The following TTF1 variants were observed in gnomAD, a reference collection of about 807,000 sequenced individuals.
TTF1 encodes transcription termination factor 1.
A neutral mutation model predicts 80.2 loss-of-function variants in TTF1; 64 were observed. The observed-to-expected ratio is 0.80, with a 90% CI of 0.65 to 0.98. TTF1 has a LOEUF of 0.98. TTF1 is among the 50% of genes least tolerant of loss of function. TTF1 has a pLI of 0.00. For synonymous variants in TTF1, 372 were observed against 382.7 expected (o/e 0.97, Z 0.33); for missense variants, 1,023 against 1,086.2 (o/e 0.94, Z 0.82).
chr9:132,395,145 T>C (rs149890034), intron 5 of TTF1, among the ~76,000 whole-genome samples: 70 of 152,118 alleles, frequency 4.6e-4, no homozygotes, highest in African/African-American at 1.6e-3. Context: ...TGAGCCAAGA[T>C]TGCGCCATTG....
Position 132,402,272 on chromosome 9 carries a change from T to C in TTF1, c.550A>G (p.Arg184Gly). 1 of 1,614,118 alleles carries C rather than the reference T, an allele frequency of 6.2e-7. No homozygotes were observed. The highest frequency in any genetic ancestry group is 8.5e-7 in the Non-Finnish European group (1 of 1,179,980). Reference sequence around the variant, plus strand: ...GATTCTGACTGAGGCAGGGTGTCCCTTGCCCGCTGGCTCTCCCAGGATGCA... The same window carrying C: ...GATTCTGACTGAGGCAGGGTGTCCCCTGCCCGCTGGCTCTCCCAGGATGCA... Reference protein sequence around the residue: ...KAASWESQRARDTLPQSESHQ... With the variant: ...KAASWESQRAGDTLPQSESHQ... The change falls in exon 2 of 11, where the codon AGG becomes GGG. Residue 184 changes from arginine (R) to glycine (G), a missense_variant. Transcript: ENST00000334270.
At chr9:132,379,601 C>T (rs1275103640) in intron 9 of TTF1, among the ~76,000 whole-genome samples, 1 of 152,168 alleles carries the variant, frequency 6.6e-6, no homozygotes, top group Non-Finnish European at 1.5e-5. Flanking sequence ...AGAAGTTGCC[C>T]AAGCTCACAT....
chr9:132,390,841 T>A lies in TTF1; in HGVS notation c.1988-10A>T. ...GCACCACGATTTCTTTCTGTAGATATAAAAAGATGGTCTTATAGTAGCTAG... is the reference window on the plus strand; with the variant it reads ...GCACCACGATTTCTTTCTGTAGATAAAAAAAGATGGTCTTATAGTAGCTAG... On this transcript the variant is annotated splice_polypyrimidine_tract_variant and intron_variant, in intron 6 of 10. Transcript: ENST00000334270. 6.2e-7 allele frequency: 1 copy of A among 1,611,086 alleles called. No individual in the cohort carries two copies. The highest frequency in any genetic ancestry group is 1.3e-5 in the African/African-American group (1 of 74,802).
chr9:132,376,268 T>G (rs936333482), intron 10 of TTF1, 100 bp from the exon 11 acceptor site: 2 of 1,269,566 alleles, frequency 1.6e-6, no homozygotes, highest in Non-Finnish European at 2.1e-6. Flanking sequence ...GAACTGCTCT[T>G]GTTATTGCTG....
chr9:132,404,244 A>G (rs527607174), intron 1 of TTF1, among the ~76,000 whole-genome samples: 4 of 152,190 alleles, frequency 2.6e-5, no homozygotes, highest in Non-Finnish European at 5.9e-5. Context: ...CTCTCTCTAT[A>G]TCAGCGGTCT....
rs1222559256 is a variant in TTF1 at position 132,378,198 on chromosome 9, T to TGTG, written c.2464+858_2464+860dup. ...TGTGAATGCATGTGGTGTGAGTGCA[T>TGTG]GTGCGTGTGAATGCATGTGGTGTGT... On this transcript the variant is annotated intron_variant, in intron 10 of 10. Transcript: ENST00000334270. 2.5e-5 allele frequency among the ~76,000 whole-genome samples: 3 copies of TGTG among 118,930 alleles called. No individual in the cohort carries two copies. In the Admixed American group the frequency reaches 2.7e-4, roughly 11 times the overall value. 78.0% of individuals were successfully genotyped at this position (118,930 alleles called of 152,430 possible). A position where few individuals can be genotyped will look rare whatever the true frequency, so the allele number is the denominator to read the frequency against.
intron 5 of TTF1, among the ~76,000 whole-genome samples, chr9:132,395,416 GT>G (rs747646827): frequency 7.2e-5 from 11 of 152,062 alleles, no homozygotes; most frequent in Non-Finnish European, 1.2e-4. Context: ...TCATTCCTGT[GT>G]GTGTGTCACA....
chr9:132,401,890 C>A lies in TTF1; in HGVS notation c.932G>T (p.Arg311Leu). The change falls in exon 2 of 11, where the codon CGG becomes CTG. Residue 311 changes from arginine to leucine, a missense_variant. Physicochemically the swap from Arg to Leu is moderately radical, Grantham distance 102. Coordinates refer to ENST00000334270, the MANE Select transcript of TTF1 (RefSeq NM_007344.4). ...SEVGADMQES[R>L]PAVGLHGETA... is the part of the protein sequence containing the mutation. ...TTCACCATGCAGGCCCACAGCAGGC[C>A]GGGATTCCTGCATATCAGCCCCAAC... is the stretch of plus-strand genomic sequence containing the variant. 6.2e-7 allele frequency: 1 copy of A among 1,610,472 alleles called. No individual in the cohort carries two copies. The highest frequency in any genetic ancestry group is 1.3e-5 in the African/African-American group (1 of 74,660).
At chr9:132,399,131 G>A (rs557228435) in intron 3 of TTF1, among the ~76,000 whole-genome samples, 26 of 149,752 alleles carry the variant, frequency 1.7e-4, no homozygotes, top group African/African-American at 5.2e-4. Context: ...CCCAGGAGGC[G>A]TAGGTTGCAG....
At chr9:132,400,949 A>G (rs1849750400) in intron 2 of TTF1, among the ~76,000 whole-genome samples, 1 of 152,146 alleles carries the variant, frequency 6.6e-6, no homozygotes, top group Admixed American at 6.5e-5. Flanking sequence ...TGAAGAAATT[A>G]AACTACCTGC....
intron 3 of TTF1, among the ~76,000 whole-genome samples, chr9:132,399,461 T>C (rs1849718802): frequency 6.6e-6 from 1 of 152,256 alleles, no homozygotes; most frequent in East Asian, 1.9e-4. Flanking sequence ...TCAGTAAATA[T>C]TGCTCATTTG....
chr9:132,383,123 C>G (rs1314036072), intron 9 of TTF1, among the ~76,000 whole-genome samples: 1 of 151,490 alleles, frequency 6.6e-6, no homozygotes, highest in Non-Finnish European at 1.5e-5. Flanking sequence ...TGGTGCATGC[C>G]TCTAATTCCA....
chr9:132,388,297 TTTC>T, intron 7 of TTF1, 69 bp from the exon 8 acceptor site: 1 of 1,175,374 alleles, frequency 8.5e-7, no homozygotes, highest in Non-Finnish European at 1.2e-6. Context: ...ATCCTATATT[TTTC>T]TTATCTAAAT....
chr9:132,377,703 GGT>G (rs1252811074), intron 10 of TTF1, among the ~76,000 whole-genome samples: 3 of 108,972 alleles, frequency 2.8e-5, no homozygotes, highest in Admixed American at 9.3e-5. Context: ...GAGTGCATGT[GGT>G]GTGTGTGAGT....
At position 132,392,173 on chromosome 9, in the gene TTF1, C is replaced by T. The variant is rs1325737181; in HGVS notation, c.1890G>A (p.Met630Ile). The T allele has an allele frequency of 6.2e-7, 1 of 1,614,212 alleles. No homozygotes were observed. The highest frequency in any genetic ancestry group is 2.2e-5 in the East Asian group (1 of 44,884). The change falls in exon 6 of 11, where the codon ATG becomes ATA. Residue 630 changes from methionine (M) to isoleucine (I), a missense_variant. Physicochemically the swap from Met to Ile is conservative, Grantham distance 10. Transcript: ENST00000334270. ...AGTCATTCCCAAGGAGAGAATGGTACATCTTTAACTTCTCAGTATCTCCTT... is the reference window on the plus strand; with the variant it reads ...AGTCATTCCCAAGGAGAGAATGGTATATCTTTAACTTCTCAGTATCTCCTT... ...YSEGDTEKLK[M>I]YHSLLGNDWK...
At chr9:132,396,925 C>T (rs1849662752) in intron 4 of TTF1, among the ~76,000 whole-genome samples, 1 of 151,942 alleles carries the variant, frequency 6.6e-6, no homozygotes, top group Admixed American at 6.6e-5. Flanking sequence ...AACCAGCTGG[C>T]CAGGTTCATT....
chr9:132,387,199 C>T (rs934637740), intron 8 of TTF1, among the ~76,000 whole-genome samples: 2 of 152,156 alleles, frequency 1.3e-5, no homozygotes, highest in African/African-American at 4.8e-5. Flanking sequence ...GCTCCTCCTG[C>T]CTTGGCCTCC....
In TTF1 at chr9:132,390,739, A is replaced by C; in HGVS notation, c.2080T>G (p.Leu694Val). Residue 694 changes from leucine to valine, a missense_variant, in exon 7 of 11, where the codon TTA (leucine) becomes GTA (valine). Coordinates refer to ENST00000334270, the MANE Select transcript of TTF1 (RefSeq NM_007344.4). ...VILKKMSPQE[L>V]KEVDSKLQEN... Reference sequence around the variant, plus strand: ...TGGAGTTTGGAATCCACCTCTTTTAACTCCTGGGGAGACATCTTCTTCAGA... The same window carrying C: ...TGGAGTTTGGAATCCACCTCTTTTACCTCCTGGGGAGACATCTTCTTCAGA... 2 of 1,613,840 alleles carry C rather than the reference A, an allele frequency of 1.2e-6. No homozygotes were observed. The highest frequency in any genetic ancestry group is 1.7e-6 in the Non-Finnish European group (2 of 1,179,974).
rs758953004 is a variant in TTF1 at position 132,398,318 on chromosome 9, T to C, written c.1600A>G (p.Ile534Val). Residue 534 changes from isoleucine (I) to valine (V), a missense_variant, in exon 4 of 11, where the codon ATT becomes GTT. Coordinates refer to ENST00000334270, the MANE Select transcript of TTF1 (RefSeq NM_007344.4). ...TTTACAGAAAACTTGCCAAATTTAA[T>C]AGCGACACCTAGAATTGGGAAGGAA... ...FKEFKAQGVA[I>V]KFGKFSVKEN... 1.2e-6 allele frequency: 2 copies of C among 1,604,520 alleles called. No homozygotes were observed. Among genetic ancestry groups the C allele is most frequent in the East Asian group, 4.5e-5 (2 of 44,646 alleles).
Sources: gnomAD v4.1 joint callset for allele counts (sites outside exome capture counted in the v4.1 genomes callset) on GRCh38, gnomAD v4.1.1 for gene constraint, MANE v1.5 for transcripts, NCBI Gene and HGNC (gene_info 2026-07-23, HGNC 2026-07-21) for gene names.